The following PRKG2 variants were observed in gnomAD, a reference collection of about 807,000 sequenced individuals.
PRKG2 encodes the protein cGMP-dependent protein kinase 2.
Under a neutral mutation model 97.2 loss-of-function variants are expected in PRKG2, and 33 were observed. The ratio of observed to expected loss-of-function variants is 0.34; its 90% CI spans 0.26 to 0.45. PRKG2 has a LOEUF of 0.45. PRKG2 is among the 20% of genes least tolerant of loss of function. The pLI is 1.00. For missense variants in PRKG2, 638 were observed against 900.0 expected (o/e 0.71, Z 3.73); for synonymous variants, 330 against 321.8 (o/e 1.03, Z -0.27).
intron 11 of PRKG2, 38 bp from the exon 12 acceptor site, chr4:81,140,707 A>C: frequency 6.5e-7 from 1 of 1,549,672 alleles, no homozygotes; most frequent in Non-Finnish European, 8.9e-7. Context: ...AAATTAACTT[A>C]TATCTATATA....
intron 1 of PRKG2, among the ~76,000 whole-genome samples, chr4:81,213,008 CTTCA>C (rs1345929438): frequency 1.3e-5 from 2 of 152,162 alleles, no homozygotes; most frequent in Non-Finnish European, 2.9e-5. Context: ...ACTATCTACT[CTTCA>C]TTCATTCAGT....
chr4:81,130,117 T>C (rs1405978304), intron 14 of PRKG2, among the ~76,000 whole-genome samples: 1 of 152,194 alleles, frequency 6.6e-6, no homozygotes, highest in African/African-American at 2.4e-5. Context: ...TGCTGTTTTT[T>C]CCTCACTTAC....
chr4:81,169,745 C>G lies in PRKG2; in HGVS notation c.766G>C (p.Ala256Pro). 1 of 1,607,682 alleles carries G rather than the reference C, an allele frequency of 6.2e-7. No individual in the cohort carries two copies. The highest frequency in any genetic ancestry group is 2.2e-5 in the East Asian group (1 of 44,658). Reference sequence around the variant, plus strand: ...TTCTGGAATACCTCTCGATCTAGTGCCCATGTTTTAACATTGGTAATAGCT... The same window carrying G: ...TTCTGGAATACCTCTCGATCTAGTGGCCATGTTTTAACATTGGTAATAGCT... ...VKAITNVKTW[A>P]LDREVFQNIM... Residue 256 changes from alanine (A) to proline (P), a missense_variant, in exon 5 of 19, where the codon GCA becomes CCA. Coordinates refer to ENST00000264399, the MANE Select transcript of PRKG2 (RefSeq NM_006259.3).
At position 81,089,769 on chromosome 4, in the gene PRKG2, T is replaced by C; in HGVS notation, c.2228A>G (p.Lys743Arg). 3 of 1,612,932 alleles carry C rather than the reference T, an allele frequency of 1.9e-6. No individual in the cohort carries two copies. Among genetic ancestry groups the C allele is most frequent in the South Asian group, 1.1e-5 (1 of 91,058 alleles). ...KGPIDHSYFD[K>R]YPPEKGMPPD... is the part of the protein sequence containing the mutation. ...AGGCATTCCCTTTTCAGGAGGATAT[T>C]TGTCAAAGTAGCTGTGATCTATGGG... The change falls in exon 19 of 19, where the codon AAA becomes AGA. Residue 743 changes from lysine to arginine, a missense_variant. Lys to Arg is a conservative substitution (Grantham distance 26, BLOSUM62 2). This residue lies in a region of PRKG2 where 304 missense variants were observed against 460.5 expected (regional missense o/e 0.66). Coordinates refer to ENST00000264399, the MANE Select transcript of PRKG2 (RefSeq NM_006259.3).
chr4:81,204,915 G>C lies in PRKG2; in HGVS notation c.133C>G (p.Gln45Glu), dbSNP rs1753556987. 2 of 1,614,020 alleles carry C rather than the reference G, an allele frequency of 1.2e-6. No homozygotes were observed. The change falls in exon 2 of 19, where the codon CAG (glutamine) becomes GAG (glutamate). Residue 45 changes from glutamine (Q) to glutamate (E), a missense_variant. Gln to Glu is a conservative substitution (Grantham distance 29). Around this residue, in one of 3 missense-constraint regions of PRKG2, gnomAD observed 332 missense variants for 421.7 expected, o/e 0.79. Transcript: ENST00000264399. ...RELRRKDAEI[Q>E]EREYHLKELR... is the part of the protein sequence containing the mutation. ...TCCTTCAAATGGTACTCCCGCTCCT[G>C]GATCTCAGCATCCTTCCTCCTCAAC...
chr4:81,187,531 G>A (rs922026132), intron 2 of PRKG2, among the ~76,000 whole-genome samples: 1 of 152,094 alleles, frequency 6.6e-6, no homozygotes, highest in Non-Finnish European at 1.5e-5. Flanking sequence ...GCAAAATCTG[G>A]AAGCATTCCC....
chr4:81,152,361 C>T (rs1440241242), intron 7 of PRKG2, among the ~76,000 whole-genome samples: 1 of 152,082 alleles, frequency 6.6e-6, no homozygotes, highest in Non-Finnish European at 1.5e-5. Flanking sequence ...GAGAGATCCA[C>T]AAAGCAAATA....
intron 17 of PRKG2, among the ~76,000 whole-genome samples, chr4:81,098,339 T>C (rs1742339237): frequency 6.6e-6 from 1 of 152,120 alleles, no homozygotes; most frequent in South Asian, 2.1e-4. Context: ...AACTCCCTTT[T>C]ATATATCTAT....
intron 2 of PRKG2, among the ~76,000 whole-genome samples, chr4:81,196,670 C>G (rs919725581): frequency 1.3e-5 from 2 of 151,928 alleles, no homozygotes; most frequent in Admixed American, 6.6e-5. Context: ...AAGGATTAAA[C>G]AGATGTTGGG....
chr4:81,189,515 A>C (rs1019069480), intron 2 of PRKG2, among the ~76,000 whole-genome samples: 11 of 147,118 alleles, frequency 7.5e-5, no homozygotes, highest in Non-Finnish European at 1.2e-4. Flanking sequence ...GCAAGAACAA[A>C]AAACCAAACA....
chr4:81,149,533 C>T (rs982713641), intron 8 of PRKG2, among the ~76,000 whole-genome samples: 4 of 151,994 alleles, frequency 2.6e-5, no homozygotes, highest in Non-Finnish European at 5.9e-5. Flanking sequence ...GCAGCATTTT[C>T]TTTTTCTTAG....
At chr4:81,132,441 G>A (rs1578395236) in intron 14 of PRKG2, among the ~76,000 whole-genome samples, 1 of 152,216 alleles carries the variant, frequency 6.6e-6, no homozygotes, top group East Asian at 1.9e-4. Context: ...GTGATAAGAG[G>A]AGATATTTTT....
intron 2 of PRKG2, among the ~76,000 whole-genome samples, chr4:81,175,224 T>C (rs1750819326): frequency 6.6e-6 from 1 of 152,066 alleles, no homozygotes; most frequent in Admixed American, 6.6e-5. Flanking sequence ...ACCACAAATG[T>C]AGCATTTCTC....
chr4:81,159,885 C>G (rs1051856856), intron 6 of PRKG2, among the ~76,000 whole-genome samples: 8 of 146,854 alleles, frequency 5.4e-5, no homozygotes, highest in African/African-American at 2.0e-4. Flanking sequence ...CGCATATTCT[C>G]ACTCATAGAT....
chr4:81,109,879 G>A (rs184470550), intron 15 of PRKG2, among the ~76,000 whole-genome samples: 2 of 152,240 alleles, frequency 1.3e-5, no homozygotes, highest in African/African-American at 4.8e-5. Context: ...ATCTCTTTGG[G>A]AATGACAATT....
At chr4:81,169,838 G>A (rs1750308659) in intron 4 of PRKG2, 70 bp from the exon 5 acceptor site, 1 of 995,830 alleles carries the variant, frequency 1.0e-6, no homozygotes, top group Non-Finnish European at 1.5e-6. Flanking sequence ...AATATAAATC[G>A]ATGGATTTGT....
Position 81,099,611 on chromosome 4 carries a change from G to A in PRKG2, c.2126+4759C>T, listed in dbSNP as rs577415102. Among the ~76,000 whole-genome samples the A allele has an allele frequency of 7.9e-3, 1,195 of 152,222 alleles. 19 individuals are homozygous for A. The highest frequency in any genetic ancestry group is 0.027 in the African/African-American group (1,110 of 41,538). ...ACAAACCCACAGCCAATATCATACT[G>A]AATGGGCAAAAACTGGAAGCATTCC... On this transcript the variant is annotated intron_variant, in intron 17 of 18. Coordinates refer to ENST00000264399, the MANE Select transcript of PRKG2 (RefSeq NM_006259.3).
At chr4:81,129,612 T>G (rs1240160787) in intron 14 of PRKG2, among the ~76,000 whole-genome samples, 1 of 152,142 alleles carries the variant, frequency 6.6e-6, no homozygotes. Flanking sequence ...TTTTTTTATC[T>G]TTGTTGGTTT....
At chr4:81,169,582 A>G in intron 5 of PRKG2, 81 bp downstream of exon 5, 1 of 1,032,022 alleles carries the variant, frequency 9.7e-7, no homozygotes, top group Non-Finnish European at 1.4e-6. Flanking sequence ...GCTATAGTTG[A>G]ATAATTATTC....
Sources: allele counts gnomAD v4.1 joint callset (sites outside exome capture counted in the v4.1 genomes callset), GRCh38; gene constraint gnomAD v4.1.1; regional missense constraint gnomAD v4.1.1; transcripts MANE v1.5; gene names NCBI Gene and HGNC (gene_info 2026-07-23, HGNC 2026-07-21).